Variants in ATP7A observed in about 807,000 individuals in gnomAD.
ATP7A encodes the protein copper-transporting ATPase 1.
Under a neutral mutation model 83.5 loss-of-function variants are expected in ATP7A, and 7 were observed. That is an observed-to-expected ratio of 0.08 (90% CI 0.05 to 0.16). ATP7A has a LOEUF of 0.16. Among genes scored for constraint, ATP7A ranks in the 10% least tolerant of loss-of-function variants. The probability of loss-of-function intolerance (pLI) is 1.00; values close to 1 mark genes in which losing one functional copy is unlikely to be tolerated. For missense variants in ATP7A, 940 were observed against 1,120.8 expected (o/e 0.84, Z 2.30); for synonymous variants, 354 against 395.2 (o/e 0.90, Z 1.24).
At chrX:77,937,939 CT>C (rs2077329839) in intron 1 of ATP7A, among the ~76,000 whole-genome samples, 1 of 108,809 alleles carries the variant, frequency 9.2e-6, no homozygotes, top group African/African-American at 3.3e-5. Context: ...CCCACTACCC[CT>C]CTCTCTCTCG....
intron 7 of ATP7A, 69 bp from the exon 8 acceptor site, chrX:78,011,107 G>C (rs2077820742): frequency 1.0e-6 from 1 of 979,351 alleles, no homozygotes; most frequent in South Asian, 2.0e-5. Context: ...ACAATACCAT[G>C]GCTTAGAATT....
intron 1 of ATP7A, among the ~76,000 whole-genome samples, chrX:77,956,859 C>G (rs2149064234): frequency 9.6e-6 from 1 of 104,006 alleles, no homozygotes; most frequent in Non-Finnish European, 2.0e-5. Context: ...GTGCAGTGGC[C>G]CAGTCACAGC....
chrX:77,960,405 G>GCAAAA (rs1231642278), intron 1 of ATP7A, among the ~76,000 whole-genome samples: 1 of 111,791 alleles, frequency 8.9e-6, no homozygotes, highest in African/African-American at 3.2e-5. Flanking sequence ...AAAAGCAACA[G>GCAAAA]CAAAACAAAA....
rs965037991 is a variant in ATP7A, at chrX:78,049,509, C to T, written c.*2939C>T. The T allele has an allele frequency of 2.3e-4, 26 of 112,043 alleles. No individual in the cohort carries two copies. Among genetic ancestry groups the T allele is most frequent in the Admixed American group, 2.1e-3 (22 of 10,477 alleles). 9.2% of individuals were successfully genotyped at this position (112,043 alleles called of 1,213,427 possible). On this transcript the variant is annotated 3_prime_UTR_variant, in exon 23 of 23. Coordinates refer to ENST00000341514, the MANE Select transcript of ATP7A (RefSeq NM_000052.7). Reference sequence around the variant, plus strand: ...CCTTAAACTTAAATATCCAAAGATGCCTTTTGAATTTCAAAGATTAAAACA... The same window carrying T: ...CCTTAAACTTAAATATCCAAAGATGTCTTTTGAATTTCAAAGATTAAAACA...
intron 4 of ATP7A, among the ~76,000 whole-genome samples, chrX:77,994,019 T>C (rs1487359371): frequency 9.0e-6 from 1 of 111,361 alleles, no homozygotes; most frequent in Non-Finnish European, 1.9e-5. Flanking sequence ...CCCATTTTTG[T>C]GCTTAGATTT....
chrX:77,977,968 C>T (rs928720206), intron 2 of ATP7A, among the ~76,000 whole-genome samples: 7 of 111,724 alleles, frequency 6.3e-5, no homozygotes. Context: ...GAGAGATTTT[C>T]TGTGAAGTTA....
intron 18 of ATP7A, among the ~76,000 whole-genome samples, chrX:78,040,199 GC>G (rs72092192): frequency 0.18 from 15,359 of 86,711 alleles, 1,733 homozygotes; most frequent in African/African-American, 0.37. Flanking sequence ...GTCTCTCTCT[GC>G]CCCCCCCCCC....
At chrX:78,009,886 A>G (rs1485113416) in intron 7 of ATP7A, among the ~76,000 whole-genome samples, 10 of 112,652 alleles carry the variant, frequency 8.9e-5, no homozygotes, top group African/African-American at 3.2e-4. Context: ...GCTTAAGTCC[A>G]GGAGTTGAAG....
intron 1 of ATP7A, among the ~76,000 whole-genome samples, chrX:77,960,691 C>T: frequency 9.0e-6 from 1 of 111,431 alleles, no homozygotes; most frequent in Non-Finnish European, 1.9e-5. Flanking sequence ...ATGGTGATTA[C>T]CATCTCTACT....
intron 14 of ATP7A, among the ~76,000 whole-genome samples, chrX:78,022,505 G>GTTTGTTTGTTTGTTTATTTA (rs782072664): frequency 1.0e-5 from 1 of 95,806 alleles, no homozygotes; most frequent in South Asian, 5.5e-4. Context: ...TTGTTTGTTT[G>GTTTGTTTGTTTGTTTATTTA]TTTATTTATT....
intron 1 of ATP7A, among the ~76,000 whole-genome samples, chrX:77,911,959 A>C (rs1169754511): frequency 1.8e-5 from 2 of 112,199 alleles, no homozygotes; most frequent in African/African-American, 6.5e-5. Flanking sequence ...AGAAGAAAGA[A>C]AAATAAACAG....
At chrX:77,964,089 G>C (rs971403422) in intron 1 of ATP7A, 4 of 112,013 alleles carry the variant, frequency 3.6e-5, no homozygotes, top group African/African-American at 1.3e-4. Context: ...AGCTTTACAA[G>C]TTATTTACAT....
intron 17 of ATP7A, among the ~76,000 whole-genome samples, chrX:78,034,423 C>CTA (rs1387108797): frequency 9.0e-6 from 1 of 111,618 alleles, no homozygotes; most frequent in Non-Finnish European, 1.9e-5. Context: ...CCTTTCCCAT[C>CTA]TATATTCCCA....
At chrX:77,931,060 G>A (rs138447797) in intron 1 of ATP7A, among the ~76,000 whole-genome samples, 2 of 91,838 alleles carry the variant, frequency 2.2e-5, no homozygotes, top group Admixed American at 2.8e-4. Flanking sequence ...GTTTCTCGCA[G>A]AGGGGGATTT....
At chrX:77,966,354 A>G (rs782706695) in intron 1 of ATP7A, among the ~76,000 whole-genome samples, 42 of 112,344 alleles carry the variant, frequency 3.7e-4, no homozygotes, top group Admixed American at 5.7e-4. Context: ...GAATGTGGCA[A>G]TGGTTTCTTA....
At chrX:78,019,988 C>T (rs2077894295) in intron 12 of ATP7A, among the ~76,000 whole-genome samples, 1 of 111,914 alleles carries the variant, frequency 8.9e-6, no homozygotes, top group Non-Finnish European at 1.9e-5. Context: ...AGGTTAAGAA[C>T]CAATGTTCTA....
chrX:77,997,072 T>C (rs2077708970), intron 4 of ATP7A, among the ~76,000 whole-genome samples: 1 of 112,644 alleles, frequency 8.9e-6, no homozygotes, highest in Admixed American at 9.4e-5. Flanking sequence ...AACACTTTAC[T>C]ATTCAAAGTG....
Position 77,967,531 on chromosome X carries a change from G to C in ATP7A, c.-21-4090G>C, listed in dbSNP as rs534558858. The stretch of plus-strand genomic sequence containing the variant: ...ATGTTGAGCTTTTTTTCATATGTTT[G>C]TTGGCCGCATAAATGTCTTCTTTTG... On this transcript the variant is annotated intron_variant, in intron 1 of 22. Coordinates refer to ENST00000341514, the MANE Select transcript of ATP7A (RefSeq NM_000052.7). Among the ~76,000 whole-genome samples, 11 of 111,761 alleles carry C rather than the reference G, an allele frequency of 9.8e-5. No individual in the cohort carries two copies. The South Asian group carries it at 3.4e-3, about 34-fold the overall frequency.
chrX:77,986,042 C>T (rs1557231345), intron 2 of ATP7A, among the ~76,000 whole-genome samples: 4 of 111,905 alleles, frequency 3.6e-5, no homozygotes, highest in Non-Finnish European at 7.5e-5. Context: ...TACTATATGT[C>T]TCAACTATAC....
Sources: allele counts gnomAD v4.1 joint callset (sites outside exome capture counted in the v4.1 genomes callset), GRCh38; gene constraint gnomAD v4.1.1; transcripts MANE v1.5; gene names NCBI Gene and HGNC (gene_info 2026-07-23, HGNC 2026-07-21).